Variants in RIN2 observed in about 807,000 individuals in gnomAD.
RIN2 encodes RAB5 interacting protein 2.
Under a neutral mutation model 78.0 loss-of-function variants are expected in RIN2, and 36 were observed. The observed-to-expected ratio is 0.46, with a 90% CI of 0.35 to 0.61. The LOEUF (loss-of-function observed/expected upper bound fraction) is 0.61, where lower values mean the gene tolerates loss of function less well. Among genes scored for constraint, RIN2 ranks in the 20% least tolerant of loss-of-function variants. The probability of loss-of-function intolerance (pLI) is 0.00; values close to 1 mark genes in which losing one functional copy is unlikely to be tolerated. For synonymous variants in RIN2, 466 were observed against 466.8 expected (o/e 1.00, Z 0.02); for missense variants, 1,087 against 1,159.7 (o/e 0.94, Z 0.91).
chr20:19,976,430 A>G (rs1364184744), intron 9 of RIN2, among the ~76,000 whole-genome samples: 2 of 152,208 alleles, frequency 1.3e-5, no homozygotes, highest in East Asian at 3.8e-4. Flanking sequence ...AAAACTGAAA[A>G]AGACAAGTTT....
chr20:19,901,849 TCTA>T (rs1393668190), intron 3 of RIN2, among the ~76,000 whole-genome samples: 1 of 151,912 alleles, frequency 6.6e-6, no homozygotes, highest in Non-Finnish European at 1.5e-5. Flanking sequence ...AAACCCCGTC[TCTA>T]CTACAGACAC....
intron 8 of RIN2, 45 bp downstream of exon 8, chr20:19,970,974 T>C: frequency 6.9e-7 from 1 of 1,440,736 alleles, no homozygotes; most frequent in Non-Finnish European, 9.6e-7. Flanking sequence ...AATGAATCCA[T>C]GGAGCAGAGT....
intron 1 of RIN2, among the ~76,000 whole-genome samples, chr20:19,758,587 C>A (rs2033483523): frequency 1.3e-5 from 2 of 152,162 alleles, no homozygotes; most frequent in Admixed American, 1.3e-4. Context: ...GGCCGCTGGT[C>A]CCGGCAGGGT....
intron 2 of RIN2, among the ~76,000 whole-genome samples, chr20:19,834,883 G>T (rs956611539): frequency 1.3e-5 from 2 of 151,514 alleles, no homozygotes; most frequent in Non-Finnish European, 2.9e-5. Flanking sequence ...GGTCAAGGCT[G>T]CAATAAGCCA....
intron 9 of RIN2, among the ~76,000 whole-genome samples, chr20:19,982,897 A>C (rs2042504577): frequency 2.6e-5 from 4 of 152,146 alleles, no homozygotes; most frequent in African/African-American, 9.7e-5. Context: ...GGCATGTTCA[A>C]CGCCACCTCT....
At chr20:19,967,819 A>G (rs2041985537) in intron 7 of RIN2, among the ~76,000 whole-genome samples, 2 of 151,606 alleles carry the variant, frequency 1.3e-5, no homozygotes, top group Non-Finnish European at 2.9e-5. Flanking sequence ...ACCGGAATAG[A>G]GGAATAGAGG....
At chr20:19,803,018 A>G (rs1461455101) in intron 2 of RIN2, among the ~76,000 whole-genome samples, 1 of 152,170 alleles carries the variant, frequency 6.6e-6, no homozygotes, top group Non-Finnish European at 1.5e-5. Flanking sequence ...TTCATTAACT[A>G]AATACAATTA....
chr20:19,982,942 A>T (rs2042506683), intron 9 of RIN2, among the ~76,000 whole-genome samples: 1 of 152,208 alleles, frequency 6.6e-6, no homozygotes, highest in Non-Finnish European at 1.5e-5. Context: ...TCCACCTGCC[A>T]GTGGTGATAA....
At chr20:19,791,813 C>A (rs1350251122) in intron 1 of RIN2, among the ~76,000 whole-genome samples, 1 of 152,136 alleles carries the variant, frequency 6.6e-6, no homozygotes, top group Non-Finnish European at 1.5e-5. Context: ...CTGGGGTTGT[C>A]TTAGTGCAAC....
At chr20:19,851,066 A>AAGGC in intron 2 of RIN2, among the ~76,000 whole-genome samples, 1 of 149,380 alleles carries the variant, frequency 6.7e-6, no homozygotes, top group African/African-American at 2.5e-5. Flanking sequence ...GAAAGGAAGG[A>AAGGC]AGGAAGGAAG....
At chr20:19,964,688 T>C (rs561909874) in intron 6 of RIN2, among the ~76,000 whole-genome samples, 1 of 152,194 alleles carries the variant, frequency 6.6e-6, no homozygotes, top group African/African-American at 2.4e-5. Context: ...AAAAAGACAG[T>C]TGTGCAACTC....
chr20:19,922,970 C>T (rs969602762), intron 3 of RIN2, among the ~76,000 whole-genome samples: 4 of 152,334 alleles, frequency 2.6e-5, no homozygotes, highest in African/African-American at 7.2e-5. Context: ...CGTGAACTCT[C>T]GGCAACCTTG....
intron 2 of RIN2, among the ~76,000 whole-genome samples, chr20:19,868,112 C>T (rs1405245649): frequency 6.6e-6 from 1 of 152,158 alleles, no homozygotes; most frequent in Non-Finnish European, 1.5e-5. Flanking sequence ...TGGCCAGTTC[C>T]CTGCTTTGGT....
intron 2 of RIN2, among the ~76,000 whole-genome samples, chr20:19,807,263 C>G (rs2035439442): frequency 6.6e-6 from 1 of 152,214 alleles, no homozygotes; most frequent in African/African-American, 2.4e-5. Context: ...TCTGCCTTTG[C>G]TGGAGGAGTT....
chr20:19,780,467 G>T (rs981569828), intron 1 of RIN2, among the ~76,000 whole-genome samples: 1 of 151,952 alleles, frequency 6.6e-6, no homozygotes, highest in Non-Finnish European at 1.5e-5. Context: ...GATGTCACAC[G>T]CCCTGCTACC....
rs567885887 is a variant in RIN2 at position 19,784,820 on chromosome 20, C to T, written c.-162-14802C>T. ...CACATTACCCCTGGAAGGACAGGCC[C>T]CATCCTGAGTGGGAATACCAGACAG... On this transcript the variant is annotated intron_variant, in intron 1 of 12. Transcript: ENST00000255006. Among the ~76,000 whole-genome samples, 33 of 152,112 alleles carry T rather than the reference C, an allele frequency of 2.2e-4. 1 individual carries two copies. In the South Asian group the frequency reaches 6.7e-3, roughly 31 times the overall value.
chr20:19,810,485 C>T (rs2035554398), intron 2 of RIN2, among the ~76,000 whole-genome samples: 1 of 152,090 alleles, frequency 6.6e-6, no homozygotes, highest in East Asian at 1.9e-4. Context: ...ACAATGTGAG[C>T]GCTTGGGTCC....
intron 2 of RIN2, among the ~76,000 whole-genome samples, chr20:19,861,561 C>T (rs2037337087): frequency 2.0e-5 from 3 of 147,984 alleles, no homozygotes; most frequent in African/African-American, 7.6e-5. Flanking sequence ...TATCTGATCA[C>T]CCTCCATATC....
intron 1 of RIN2, among the ~76,000 whole-genome samples, chr20:19,766,087 C>T (rs1425685382): frequency 6.6e-6 from 1 of 152,190 alleles, no homozygotes; most frequent in Non-Finnish European, 1.5e-5. Flanking sequence ...AGACAGCTCC[C>T]TGTCCTTCCC....
Sources: allele counts gnomAD v4.1 joint callset (sites outside exome capture counted in the v4.1 genomes callset), GRCh38; gene constraint gnomAD v4.1.1; transcripts MANE v1.5; gene names NCBI Gene and HGNC (gene_info 2026-07-23, HGNC 2026-07-21).